SCTR: variants seen among roughly 807,000 people sequenced by gnomAD.
SCTR encodes pancreatic secretin receptor.
Under a neutral mutation model 60.8 loss-of-function variants are expected in SCTR, and 56 were observed. That is an observed-to-expected ratio of 0.92 (90% CI 0.74 to 1.15). SCTR has a LOEUF of 1.15. Ranked by LOEUF, SCTR falls within the 50% of genes most tolerant of loss-of-function variation. The pLI is 0.00. For synonymous variants in SCTR, 202 were observed against 217.0 expected, an observed-to-expected ratio of 0.93 and a Z score of 0.61; for missense variants, 562 against 550.4, an observed-to-expected ratio of 1.02 and a Z score of -0.21.
Position 119,469,954 on chromosome 2 carries a change from A to AT in SCTR, c.405+3498dup, listed in dbSNP as rs1357231412. Among the ~76,000 whole-genome samples, 4 of 152,210 alleles carry AT rather than the reference A, an allele frequency of 2.6e-5. No individual in the cohort carries two copies. The South Asian group carries it at 6.2e-4, about 24-fold the overall frequency. On this transcript the variant is annotated intron_variant, in intron 4 of 12. Transcript: ENST00000019103. ...AGCCTTTAGATCATCTGTCACAGAC[A>AT]TTTTTTGTTAAGGGACAGAGAGTAA...
chr2:119,475,197 A>G (rs1224592948), intron 3 of SCTR, among the ~76,000 whole-genome samples: 1 of 152,196 alleles, frequency 6.6e-6, no homozygotes, highest in South Asian at 2.1e-4. Flanking sequence ...GAACTGAATC[A>G]AGAGAGTTAG....
intron 3 of SCTR, among the ~76,000 whole-genome samples, chr2:119,475,356 C>A (rs544158163): frequency 1.4e-4 from 21 of 152,276 alleles, no homozygotes; most frequent in Non-Finnish European, 1.8e-4. Context: ...TCGCCCAGGG[C>A]AGCAGGCCTG....
Position 119,494,350 on chromosome 2 carries a change from G to T in SCTR, c.193+78C>A, listed in dbSNP as rs1055083920. On this transcript the variant is annotated intron_variant, in intron 2 of 12. Coordinates refer to ENST00000019103, the MANE Select transcript of SCTR (RefSeq NM_002980.3). ...GCCTCCCACATCCCATCCTGGCCCA[G>T]GATAAGCTCCCCCTGCCCAGCAGGA... 5.9e-6 allele frequency: 9 copies of T among 1,522,068 alleles called. No individual in the cohort carries two copies. In the African/African-American group the frequency reaches 1.1e-4, roughly 19 times the overall value. 94.3% of individuals were successfully genotyped at this position (1,522,068 alleles called of 1,614,324 possible).
chr2:119,449,206 G>A (rs1366782188), intron 9 of SCTR, among the ~76,000 whole-genome samples: 1 of 152,148 alleles, frequency 6.6e-6, no homozygotes, highest in Non-Finnish European at 1.5e-5. Context: ...CCCATTGCTG[G>A]GCTCTAACCC....
At chr2:119,517,895 G>C (rs1281581993) in intron 1 of SCTR, among the ~76,000 whole-genome samples, 1 of 152,164 alleles carries the variant, frequency 6.6e-6, no homozygotes. Flanking sequence ...CTACCCCCAG[G>C]GTGGCTGTAT....
chr2:119,446,971 G>C, intron 10 of SCTR, 86 bp from the exon 11 acceptor site: 5 of 1,292,494 alleles, frequency 3.9e-6, no homozygotes, highest in Non-Finnish European at 2.0e-6. Context: ...CCACTCCCCA[G>C]CTCGGGACTG....
At position 119,524,297 on chromosome 2, in the gene SCTR, G is replaced by A. The variant is rs1558888889; in HGVS notation, c.-71C>T. On this transcript the variant is annotated 5_prime_UTR_variant, in exon 1 of 13. Transcript: ENST00000019103. ...TGCCCTCTGCCCGCTCGGGAGCTCA[G>A]CGCCCCGCGCAGGGTCCCGGGCTCC... 9.2e-7 allele frequency: 1 copy of A among 1,083,548 alleles called. No individual in the cohort carries two copies. The highest frequency in any genetic ancestry group is 2.1e-5 in the South Asian group (1 of 47,354). The allele number at this position is 1,083,548 out of a possible 1,614,324, so 67.1% of individuals were successfully genotyped here.
At chr2:119,511,240 G>A (rs1347757126) in intron 1 of SCTR, among the ~76,000 whole-genome samples, 1 of 151,940 alleles carries the variant, frequency 6.6e-6, no homozygotes, top group Non-Finnish European at 1.5e-5. Flanking sequence ...TTCTTTTACT[G>A]TTGTTATTTC....
chr2:119,449,074 G>C (rs894328987), intron 9 of SCTR, among the ~76,000 whole-genome samples: 15 of 152,214 alleles, frequency 9.9e-5, no homozygotes. Context: ...GGAAGCCCCC[G>C]GGGATATTGT....
At chr2:119,523,807 G>C (rs1679367185) in intron 1 of SCTR, among the ~76,000 whole-genome samples, 1 of 152,142 alleles carries the variant, frequency 6.6e-6, no homozygotes, top group African/African-American at 2.4e-5. Flanking sequence ...TTCAAGGAAA[G>C]ATTGGAGGCA....
chr2:119,488,099 T>A (rs1677958062), intron 2 of SCTR, among the ~76,000 whole-genome samples: 1 of 152,250 alleles, frequency 6.6e-6, no homozygotes, highest in South Asian at 2.1e-4. Context: ...ATCTGAAGAC[T>A]TTTCCAGCAG....
rs145033361 is a variant in SCTR, at chr2:119,516,698, G to A, written c.72+7457C>T. Among the ~76,000 whole-genome samples, 1,254 of 152,216 alleles carry A rather than the reference G, an allele frequency of 8.2e-3. 10 individuals are homozygous for A. The highest frequency in any genetic ancestry group is 0.028 in the African/African-American group (1,180 of 41,528). On this transcript the variant is annotated intron_variant, in intron 1 of 12. Coordinates refer to ENST00000019103, the MANE Select transcript of SCTR (RefSeq NM_002980.3). ...TATCGGGCCGGGTGTGGTGGTTCAC[G>A]CCTATAATCCCAGCACTTGGGGAGG...
Position 119,502,680 on chromosome 2 carries a change from A to G in SCTR, c.73-8132T>C, listed in dbSNP as rs137946908. On this transcript the variant is annotated intron_variant, in intron 1 of 12. Transcript: ENST00000019103. Reference sequence around the variant, plus strand: ...TCATAATACAGACATACAATTGATGATTATCCAGTGATAAAATAAAGGAAT... The same window carrying G: ...TCATAATACAGACATACAATTGATGGTTATCCAGTGATAAAATAAAGGAAT... Among the ~76,000 whole-genome samples, 8 of 152,252 alleles carry G rather than the reference A, an allele frequency of 5.3e-5. No individual in the cohort carries two copies. The East Asian group carries it at 1.5e-3, about 29-fold the overall frequency.
At chr2:119,473,655 T>C (rs748568700) in intron 3 of SCTR, 99 bp from the exon 4 acceptor site, 8 of 777,130 alleles carry the variant, frequency 1.0e-5, no homozygotes, top group South Asian at 9.0e-5. Context: ...AACCACTCTA[T>C]AGTGTGGAAA....
intron 11 of SCTR, among the ~76,000 whole-genome samples, chr2:119,445,198 A>G (rs953254514): frequency 1.3e-5 from 2 of 152,012 alleles, no homozygotes; most frequent in African/African-American, 2.4e-5. Context: ...AGCTCTCAGC[A>G]TGGTCCCTTT....
intron 1 of SCTR, among the ~76,000 whole-genome samples, chr2:119,504,763 T>C (rs974405634): frequency 5.9e-5 from 9 of 151,996 alleles, no homozygotes; most frequent in Non-Finnish European, 1.2e-4. Context: ...TGAAAAACCA[T>C]GTTAAGAAGA....
At chr2:119,473,861 G>A (rs550743485) in intron 3 of SCTR, among the ~76,000 whole-genome samples, 3 of 152,096 alleles carry the variant, frequency 2.0e-5, no homozygotes, top group Non-Finnish European at 2.9e-5. Flanking sequence ...TGGGTACCCC[G>A]GAGAATCTGT....
At chr2:119,470,474 G>C (rs1486672612) in intron 4 of SCTR, among the ~76,000 whole-genome samples, 1 of 152,034 alleles carries the variant, frequency 6.6e-6, no homozygotes, top group East Asian at 1.9e-4. Context: ...CTGTTGTTTT[G>C]TTTTGTTTTT....
intron 1 of SCTR, among the ~76,000 whole-genome samples, chr2:119,503,439 G>C (rs72834827): frequency 6.6e-6 from 1 of 152,086 alleles, no homozygotes. Flanking sequence ...GCATGGTGGC[G>C]TGCATAGGAT....
Sources: gnomAD v4.1 joint callset for allele counts (sites outside exome capture counted in the v4.1 genomes callset) on GRCh38, gnomAD v4.1.1 for gene constraint, MANE v1.5 for transcripts, NCBI Gene and HGNC (gene_info 2026-07-23, HGNC 2026-07-21) for gene names.